The following COMMD1 variants were observed in gnomAD, a reference collection of about 807,000 sequenced individuals.
The protein encoded by COMMD1 is copper metabolism domain containing 1, also known as COMM domain-containing protein 1.
COMMD1 carries 10 observed loss-of-function variants against 17.2 expected under a neutral mutation model. That is an observed-to-expected ratio of 0.58 (90% confidence interval 0.36 to 0.99). COMMD1 has a LOEUF of 0.99. COMMD1 is among the 50% of genes least tolerant of loss of function. The pLI is 0.01. For missense variants in COMMD1, 270 were observed against 231.8 expected (o/e 1.17, Z -1.07); for synonymous variants, 97 against 91.6 (o/e 1.06, Z -0.34).
chr2:61,910,146 A>G (rs945265997), intron 1 of COMMD1, among the ~76,000 whole-genome samples: 2 of 152,156 alleles, frequency 1.3e-5, no homozygotes, highest in Admixed American at 1.3e-4. Context: ...GGAACAATGA[A>G]GTCAATGAAT....
intron 1 of COMMD1, among the ~76,000 whole-genome samples, chr2:61,926,974 T>C (rs1293944359): frequency 6.6e-6 from 1 of 152,142 alleles, no homozygotes; most frequent in Non-Finnish European, 1.5e-5. Flanking sequence ...CTTAACAATC[T>C]CAATTGTGTA....
chr2:62,023,276 G>T (rs763679523), intron 2 of COMMD1, among the ~76,000 whole-genome samples: 2 of 151,776 alleles, frequency 1.3e-5, no homozygotes, highest in African/African-American at 4.8e-5. Context: ...AGAATAGTAG[G>T]TACCCCTGAG....
At chr2:62,010,384 C>T (rs1031661273) in intron 2 of COMMD1, among the ~76,000 whole-genome samples, 6 of 151,998 alleles carry the variant, frequency 3.9e-5, no homozygotes, top group Non-Finnish European at 7.4e-5. Flanking sequence ...ACTCTGTCCT[C>T]GATCTTCTTT....
intron 1 of COMMD1, among the ~76,000 whole-genome samples, chr2:61,949,327 G>C (rs2103661556): frequency 6.6e-6 from 1 of 152,250 alleles, no homozygotes. Flanking sequence ...GAGCCAGGGA[G>C]AACTTCTAGC....
chr2:61,919,398 C>G (rs1670128845), intron 1 of COMMD1, among the ~76,000 whole-genome samples: 1 of 152,136 alleles, frequency 6.6e-6, no homozygotes, highest in Non-Finnish European at 1.5e-5. Context: ...TCACTGCAGC[C>G]TCTGCCGCCC....
chr2:62,001,070 A>G, intron 2 of COMMD1, 88 bp downstream of exon 2: 1 of 1,237,052 alleles, frequency 8.1e-7, no homozygotes, highest in South Asian at 1.2e-5. Flanking sequence ...TTATGCAATA[A>G]CAGCAACAGG....
At chr2:61,952,643 C>T (rs1671087964) in intron 1 of COMMD1, among the ~76,000 whole-genome samples, 1 of 152,164 alleles carries the variant, frequency 6.6e-6, no homozygotes, top group African/African-American at 2.4e-5. Context: ...AAAACTCTGC[C>T]TAGCTTCTGA....
At chr2:62,015,057 C>T (rs13407890) in intron 2 of COMMD1, among the ~76,000 whole-genome samples, 18,257 of 152,062 alleles carry the variant, frequency 0.12, 2,670 homozygotes, top group African/African-American at 0.35. Flanking sequence ...CCAAAGCACT[C>T]GGATTACAGA....
chr2:62,120,762 G>C (rs913650529), intron 2 of COMMD1, among the ~76,000 whole-genome samples: 1 of 151,782 alleles, frequency 6.6e-6, no homozygotes, highest in Non-Finnish European at 1.5e-5. Context: ...GTCTTGCCCT[G>C]TCACCCAGGC....
At chr2:61,959,262 C>A (rs1163391441) in intron 1 of COMMD1, among the ~76,000 whole-genome samples, 1 of 151,952 alleles carries the variant, frequency 6.6e-6, no homozygotes, top group Non-Finnish European at 1.5e-5. Context: ...TGATATTAGC[C>A]TTTTTTCAGT....
At chr2:62,112,419 A>G (rs984172353) in intron 2 of COMMD1, among the ~76,000 whole-genome samples, 1 of 152,240 alleles carries the variant, frequency 6.6e-6, no homozygotes, top group Non-Finnish European at 1.5e-5. Context: ...TCTCCGGAAC[A>G]ATGTCAGGCC....
At chr2:62,025,784 G>A (rs1036665970) in intron 2 of COMMD1, among the ~76,000 whole-genome samples, 2 of 152,068 alleles carry the variant, frequency 1.3e-5, no homozygotes, top group African/African-American at 4.8e-5. Flanking sequence ...CACCTCCAGG[G>A]TTCAAGCCAT....
chr2:62,093,688 G>C (rs543091698), intron 2 of COMMD1, among the ~76,000 whole-genome samples: 358 of 152,272 alleles, frequency 2.4e-3, no homozygotes, highest in South Asian at 3.7e-3. Context: ...TGCTTCTCGA[G>C]TGTTATCCTT....
intron 2 of COMMD1, among the ~76,000 whole-genome samples, chr2:62,072,327 G>A (rs550687073): frequency 1.3e-5 from 2 of 152,010 alleles, no homozygotes; most frequent in East Asian, 3.9e-4. Context: ...CAATCAAATG[G>A]TGCTGTTCTA....
At chr2:62,112,114 G>T (rs1054094805) in intron 2 of COMMD1, among the ~76,000 whole-genome samples, 1 of 152,158 alleles carries the variant, frequency 6.6e-6, no homozygotes, top group African/African-American at 2.4e-5. Context: ...GGTTAAGAAG[G>T]GCTTACTGTT....
intron 2 of COMMD1, among the ~76,000 whole-genome samples, chr2:62,073,565 C>G (rs1671258644): frequency 1.3e-5 from 2 of 152,192 alleles, no homozygotes; most frequent in Non-Finnish European, 2.9e-5. Flanking sequence ...CAATGTATAC[C>G]TTACCTGTAA....
At position 62,135,886 on chromosome 2, in the gene COMMD1, A is replaced by G. The variant is rs1333200607; in HGVS notation, c.518A>G (p.Lys173Arg). 1 of 1,605,648 alleles carries G rather than the reference A, an allele frequency of 6.2e-7. No individual in the cohort carries two copies. The highest frequency in any genetic ancestry group is 1.7e-5 in the Admixed American group (1 of 60,010). ...GAGGTCAAAGTCAACCAAATTCTGA[A>G]GACGCTGTCAGAGGTAGAAGAAAGT... ...FDEVKVNQIL[K>R]TLSEVEESIS... is the part of the protein sequence containing the mutation. Residue 173 changes from lysine to arginine, a missense_variant, in exon 3 of 3, where the codon AAG (lysine) becomes AGG (arginine). Physicochemically the swap from Lys to Arg is conservative, Grantham distance 26 (BLOSUM62 2). Transcript: ENST00000311832.
intron 1 of COMMD1, among the ~76,000 whole-genome samples, chr2:61,946,282 C>T (rs952705472): frequency 6.6e-6 from 1 of 152,028 alleles, no homozygotes; most frequent in African/African-American, 2.4e-5. Flanking sequence ...AAAAAACAAA[C>T]CCTTTGAGAC....
At chr2:61,910,529 G>A (rs1669877949) in intron 1 of COMMD1, among the ~76,000 whole-genome samples, 1 of 152,128 alleles carries the variant, frequency 6.6e-6, no homozygotes, top group Non-Finnish European at 1.5e-5. Flanking sequence ...TTACAGGTGT[G>A]AGCCACTGCG....
Sources: gnomAD v4.1 joint callset for allele counts (sites outside exome capture counted in the v4.1 genomes callset) on GRCh38, gnomAD v4.1.1 for gene constraint, MANE v1.5 for transcripts, NCBI Gene and HGNC (gene_info 2026-07-23, HGNC 2026-07-21) for gene names.